CACNA1D: variants seen among roughly 807,000 people sequenced by gnomAD.
The protein encoded by CACNA1D is calcium voltage-gated channel subunit alpha1 D.
In CACNA1D, 55 loss-of-function variants were observed where a neutral mutation model predicts 257.1. The observed-to-expected ratio is 0.21, with a 90% CI of 0.17 to 0.27. The LOEUF (loss-of-function observed/expected upper bound fraction) is 0.27. CACNA1D is among the 10% of genes least tolerant of loss of function. The pLI is 1.00. For missense variants in CACNA1D, 1,876 were observed against 2,784.0 expected (o/e 0.67, Z 7.34); for synonymous variants, 980 against 1,014.9 (o/e 0.97, Z 0.65).
chr3:53,578,537 C>T (rs947092782), intron 3 of CACNA1D, among the ~76,000 whole-genome samples: 4 of 152,078 alleles, frequency 2.6e-5, no homozygotes, highest in African/African-American at 7.2e-5. Context: ...AGGCAGCCTT[C>T]ATCTTTCCTG....
chr3:53,520,576 G>A (rs112039168), intron 3 of CACNA1D, among the ~76,000 whole-genome samples: 4,540 of 152,242 alleles, frequency 0.03, 241 homozygotes, highest in African/African-American at 0.1. Flanking sequence ...GACCAGCCTG[G>A]CCAGCATGGT....
chr3:53,710,438 G>C (rs1489203146), intron 9 of CACNA1D: 1 of 456,634 alleles, frequency 2.2e-6, no homozygotes, highest in African/African-American at 2.0e-5. Context: ...AGAAGAAAAA[G>C]AAGTTTTGCT....
At chr3:53,782,260 G>GTATATATATATATATATATA (rs1462213888) in intron 39 of CACNA1D, 2 of 46,282 alleles carry the variant, frequency 4.3e-5, no homozygotes, top group East Asian at 1.2e-3. Context: ...GTGTGTGTGT[G>GTATATATATATATATATATA]TGTGTATATA....
intron 3 of CACNA1D, among the ~76,000 whole-genome samples, chr3:53,598,612 A>G (rs182215132): frequency 7.2e-4 from 110 of 152,014 alleles, no homozygotes; most frequent in African/African-American, 2.3e-3. Flanking sequence ...AAGAAAACCA[A>G]AGCAAAGCCT....
intron 8 of CACNA1D, among the ~76,000 whole-genome samples, chr3:53,676,842 C>CT (rs922699977): frequency 1.3e-5 from 2 of 152,190 alleles, no homozygotes; most frequent in African/African-American, 4.8e-5. Context: ...ACTGTAAACC[C>CT]TATGCAGCCA....
intron 3 of CACNA1D, among the ~76,000 whole-genome samples, chr3:53,601,783 T>C (rs1009972616): frequency 6.6e-6 from 1 of 152,210 alleles, no homozygotes; most frequent in Non-Finnish European, 1.5e-5. Context: ...TTGTCTTGGC[T>C]CACTGCAACC....
Position 53,800,173 on chromosome 3 carries a change from G to T in CACNA1D, c.4924-76G>T. On this transcript the variant is annotated intron_variant, in intron 40 of 47. Transcript: ENST00000350061. The surrounding 1 kb of genome is among the most constrained non-coding windows in gnomAD (Gnocchi z 4.3). ...TTCCTCCCCACCGCTGAATCAGGAA[G>T]GAGCAAAGCCAGGACCCAGGCTGGC... The T allele has an allele frequency of 9.8e-7, 1 of 1,025,120 alleles. No homozygotes were observed. Among genetic ancestry groups the T allele is most frequent in the Non-Finnish European group, 1.6e-6 (1 of 642,292 alleles). The allele number at this position is 1,025,120 out of a possible 1,614,324, so 63.5% of individuals were successfully genotyped here. A position where few individuals can be genotyped will look rare whatever the true frequency, so the allele number is the denominator to read the frequency against.
chr3:53,812,504 G>C lies in CACNA1D; in HGVS notation c.*1098G>C, dbSNP rs377619326. 1.3e-4 allele frequency: 20 copies of C among 152,318 alleles called. No homozygotes were observed. Among genetic ancestry groups the C allele is most frequent in the African/African-American group, 4.8e-4 (20 of 41,568 alleles). 9.4% of individuals were successfully genotyped at this position (152,318 alleles called of 1,614,324 possible). ...TTTGCAGTCTTTTCTTTGGGCAAGA[G>C]TTCCATGATTTTGATACTGTACCTT... On this transcript the variant is annotated 3_prime_UTR_variant, in exon 48 of 48. Transcript: ENST00000350061.
chr3:53,554,191 G>C (rs1184354044), intron 3 of CACNA1D, among the ~76,000 whole-genome samples: 3 of 143,782 alleles, frequency 2.1e-5, no homozygotes, highest in African/African-American at 8.3e-5. Context: ...GTGAGACTCT[G>C]TCTCAAAAAA....
chr3:53,810,387 G>T (rs2095590799), intron 47 of CACNA1D, 89 bp downstream of exon 47: 4 of 1,317,590 alleles, frequency 3.0e-6, no homozygotes, highest in Non-Finnish European at 4.4e-6. Flanking sequence ...TGGTGGGAGG[G>T]CGGCCAGGCT....
At chr3:53,748,397 A>G (rs1008955405) in intron 26 of CACNA1D, among the ~76,000 whole-genome samples, 4 of 152,234 alleles carry the variant, frequency 2.6e-5, no homozygotes, top group Non-Finnish European at 5.9e-5. Context: ...CTGTAGGATA[A>G]AGAGACAGTC....
At position 53,495,163 on chromosome 3, in the gene CACNA1D, G is replaced by A. The variant is rs768481820; in HGVS notation, c.-4G>A. 1.2e-6 allele frequency: 2 copies of A among 1,612,106 alleles called. No individual in the cohort carries two copies. Among genetic ancestry groups the A allele is most frequent in the South Asian group, 2.2e-5 (2 of 91,032 alleles). On this transcript the variant is annotated 5_prime_UTR_variant, in exon 1 of 48. It adds an upstream start codon to the 5' untranslated region. Coordinates refer to ENST00000350061, the MANE Select transcript of CACNA1D (RefSeq NM_001128840.3). The surrounding 1 kb of genome is among the most constrained non-coding windows in gnomAD (Gnocchi z 5.1). ...CACAGTAGTCGCTCAATAAATGTTC[G>A]TGGATGATGATGATGATGATGATGA...
chr3:53,775,754 C>G (rs920826002), intron 34 of CACNA1D, 132 bp from the exon 35 acceptor site: 3 of 888,802 alleles, frequency 3.4e-6, no homozygotes, highest in Non-Finnish European at 5.6e-6. Context: ...TTTCACATTT[C>G]CATTAATTCA....
At position 53,586,847 on chromosome 3, in the gene CACNA1D, A is replaced by G. The variant is rs557448881; in HGVS notation, c.484-63932A>G. 3.3e-5 allele frequency among the ~76,000 whole-genome samples: 5 copies of G among 152,332 alleles called. No homozygotes were observed. The East Asian group carries it at 9.6e-4, about 29-fold the overall frequency. ...CATCGTGTTGAACTTCATGAAGAAGATAATCTAATAATTGAAAATACATCA... is the reference window on the plus strand; with the variant it reads ...CATCGTGTTGAACTTCATGAAGAAGGTAATCTAATAATTGAAAATACATCA... On this transcript the variant is annotated intron_variant, in intron 3 of 47. Transcript: ENST00000350061.
At chr3:53,799,385 G>A (rs1206586423) in intron 40 of CACNA1D, among the ~76,000 whole-genome samples, 4 of 152,170 alleles carry the variant, frequency 2.6e-5, no homozygotes, top group Non-Finnish European at 5.9e-5. Context: ...ACAATGGAAG[G>A]GCTTATCCTG....
chr3:53,660,582 T>C (rs917701251), intron 5 of CACNA1D, among the ~76,000 whole-genome samples: 5 of 152,100 alleles, frequency 3.3e-5, no homozygotes, highest in Admixed American at 1.3e-4. Context: ...CTATTTTTCC[T>C]CTCTGGCAAC....
chr3:53,568,999 C>G (rs1236548006), intron 3 of CACNA1D, among the ~76,000 whole-genome samples: 1 of 152,120 alleles, frequency 6.6e-6, no homozygotes, highest in East Asian at 1.9e-4. Flanking sequence ...AGCATCCTCC[C>G]TCGTTAATGC....
chr3:53,562,353 G>T (rs2092754958), intron 3 of CACNA1D, among the ~76,000 whole-genome samples: 1 of 152,184 alleles, frequency 6.6e-6, no homozygotes, highest in Non-Finnish European at 1.5e-5. Context: ...CACTGCCATT[G>T]TGTTCAGAGA....
chr3:53,672,772 GT>G, intron 7 of CACNA1D, among the ~76,000 whole-genome samples: 1 of 101,448 alleles, frequency 9.9e-6, no homozygotes, highest in Non-Finnish European at 2.0e-5. Context: ...GTGTGTGTGT[GT>G]GTGTGTGTGT....
Sources: gnomAD v4.1 joint callset for allele counts (sites outside exome capture counted in the v4.1 genomes callset) on GRCh38, gnomAD v4.1.1 for gene constraint, Gnocchi (gnomAD v3.1) non-coding constraint, MANE v1.5 for transcripts, NCBI Gene and HGNC (gene_info 2026-07-23, HGNC 2026-07-21) for gene names.